FOCAD: variants seen among roughly 807,000 people sequenced by gnomAD.
FOCAD encodes the protein focadhesin.
In FOCAD, 198 loss-of-function variants were observed where a neutral mutation model predicts 225.6. That is an observed-to-expected ratio of 0.88 (90% confidence interval 0.78 to 0.99). FOCAD has a LOEUF of 0.99. Ranked by LOEUF, FOCAD falls within the 50% of genes least tolerant of loss-of-function variation. The pLI, the probability that FOCAD is intolerant of heterozygous loss-of-function variation, is 0.00. For synonymous variants in FOCAD, 897 were observed against 755.0 expected, an observed-to-expected ratio of 1.19 and a Z score of -3.08; for missense variants, 2,713 against 2,123.6, an observed-to-expected ratio of 1.28 and a Z score of -5.46.
At chr9:20,833,290 T>G (rs1234926507) in intron 15 of FOCAD, among the ~76,000 whole-genome samples, 1 of 152,012 alleles carries the variant, frequency 6.6e-6, no homozygotes, top group Non-Finnish European at 1.5e-5. Context: ...GAGTTACCAA[T>G]AGCAGTCCTG....
At position 20,872,525 on chromosome 9, in the gene FOCAD, C is replaced by T. The variant is rs1829874508; in HGVS notation, c.2191-2156C>T. On this transcript the variant is annotated intron_variant, in intron 18 of 43. Coordinates refer to ENST00000338382, the MANE Select transcript of FOCAD (RefSeq NM_001375567.1). Reference sequence around the variant, plus strand: ...TTACTCTTTTCATTCTACTCCCCTCCTCTTCCCCTCCCCCTCCTCCTCTTC... The same window carrying T: ...TTACTCTTTTCATTCTACTCCCCTCTTCTTCCCCTCCCCCTCCTCCTCTTC... 2.1e-5 allele frequency among the ~76,000 whole-genome samples: 3 copies of T among 142,020 alleles called. No individual in the cohort carries two copies. In the Admixed American group the frequency reaches 2.1e-4, roughly 10 times the overall value. 93.2% of individuals were successfully genotyped at this position (142,020 alleles called of 152,430 possible).
chr9:20,661,480 A>G (rs1373896434), intron 2 of FOCAD, among the ~76,000 whole-genome samples: 1 of 152,044 alleles, frequency 6.6e-6, no homozygotes, highest in Non-Finnish European at 1.5e-5. Context: ...AGGGAATTTA[A>G]ATGGTTGGGA....
rs993552643 is a variant in FOCAD, at chr9:20,995,744, G to T, written c.*115G>T. Reference sequence around the variant, plus strand: ...CTGAGACATGATGCAGAGAGTTAAGGGTCATGAAAAGATGGCCACATCACT... The same window carrying T: ...CTGAGACATGATGCAGAGAGTTAAGTGTCATGAAAAGATGGCCACATCACT... On this transcript the variant is annotated 3_prime_UTR_variant, in exon 44 of 44. Coordinates refer to ENST00000338382, the MANE Select transcript of FOCAD (RefSeq NM_001375567.1). The T allele has an allele frequency of 1.1e-6, 1 of 911,960 alleles. No homozygotes were observed. The highest frequency in any genetic ancestry group is 1.7e-5 in the African/African-American group (1 of 60,274). 56.5% of individuals were successfully genotyped at this position (911,960 alleles called of 1,614,324 possible). A position where few individuals can be genotyped will look rare whatever the true frequency, so the allele number is the denominator to read the frequency against.
At chr9:20,912,172 G>A (rs1243593407) in intron 22 of FOCAD, among the ~76,000 whole-genome samples, 2 of 151,148 alleles carry the variant, frequency 1.3e-5, no homozygotes, top group Non-Finnish European at 2.9e-5. Flanking sequence ...TCAACAAACA[G>A]TATTTTAATT....
chr9:20,820,585 G>A (rs985308133), intron 13 of FOCAD, among the ~76,000 whole-genome samples, 160 bp downstream of exon 13: 2 of 152,128 alleles, frequency 1.3e-5, no homozygotes, highest in African/African-American at 4.8e-5. Context: ...CATTTGTAAT[G>A]CAGTTAGTTA....
At chr9:20,821,110 A>G in intron 14 of FOCAD, 39 bp downstream of exon 14, 2 of 1,570,312 alleles carry the variant, frequency 1.3e-6, no homozygotes. Context: ...ATATCATGAT[A>G]TATTATTTTG....
chr9:20,777,303 GGT>G (rs1491518274), intron 8 of FOCAD, among the ~76,000 whole-genome samples: 25 of 118,826 alleles, frequency 2.1e-4, no homozygotes, highest in Non-Finnish European at 3.9e-4. Context: ...TTTTCCTGTG[GGT>G]TTTTTTTTTT....
rs539704483 is a variant in FOCAD, at chr9:20,677,782, C to G, written c.-77-16738C>G. Among the ~76,000 whole-genome samples the G allele has an allele frequency of 3.3e-5, 5 of 152,246 alleles. No homozygotes were observed. In the East Asian group the frequency reaches 9.6e-4, roughly 29 times the overall value. The stretch of plus-strand genomic sequence containing the variant: ...GATAGAAAACCGTGTGGAGGTTTCT[C>G]AAAATACTAAAAAATAGAACTATAT... On this transcript the variant is annotated intron_variant, in intron 2 of 45. Coordinates refer to the FOCAD transcript ENST00000380249.
chr9:20,992,157 A>G (rs1334566539), intron 42 of FOCAD, among the ~76,000 whole-genome samples: 1 of 152,226 alleles, frequency 6.6e-6, no homozygotes, highest in Non-Finnish European at 1.5e-5. Context: ...GCATTCAGTC[A>G]TTGATTAAAT....
intron 21 of FOCAD, 119 bp from the exon 22 acceptor site, chr9:20,907,031 T>C (rs550428268): frequency 3.3e-5 from 23 of 702,170 alleles, no homozygotes; most frequent in Non-Finnish European, 4.1e-5. Context: ...CTAGACTGAT[T>C]TGGTTTGTTT....
chr9:20,956,385 A>G (rs1838140458), intron 35 of FOCAD, among the ~76,000 whole-genome samples: 1 of 152,224 alleles, frequency 6.6e-6, no homozygotes, highest in Non-Finnish European at 1.5e-5. Context: ...AAGTCAGTAT[A>G]TCTGTATAAT....
chr9:20,824,561 T>C (rs1411566119), intron 15 of FOCAD, among the ~76,000 whole-genome samples: 1 of 152,062 alleles, frequency 6.6e-6, no homozygotes, highest in Non-Finnish European at 1.5e-5. Context: ...CTGACTTTCC[T>C]CATTCCATTT....
intron 4 of FOCAD, among the ~76,000 whole-genome samples, chr9:20,721,009 A>G (rs1039031624): frequency 2.0e-5 from 3 of 152,168 alleles, no homozygotes; most frequent in African/African-American, 7.2e-5. Context: ...TTCAAAGTTA[A>G]TAATGTTTTG....
At chr9:20,872,628 TTC>T (rs1233774262) in intron 18 of FOCAD, among the ~76,000 whole-genome samples, 1 of 151,906 alleles carries the variant, frequency 6.6e-6, no homozygotes, top group Non-Finnish European at 1.5e-5. Context: ...CTCTTTTCTT[TTC>T]TTTCTTGCTT....
At chr9:20,890,811 A>T (rs956871314) in intron 21 of FOCAD, among the ~76,000 whole-genome samples, 2 of 152,114 alleles carry the variant, frequency 1.3e-5, no homozygotes, top group Non-Finnish European at 2.9e-5. Context: ...AGTTTTCTTT[A>T]TAGGACTGTT....
In FOCAD at chr9:20,862,379, T is replaced by G. The variant is rs112491670; in HGVS notation, c.1921-199T>G. ...ACGAAGTAGTAAAAAAGCAATTGTG[T>G]GAGGCAGGCATAACTTCAACAGTTT... is the stretch of plus-strand genomic sequence containing the variant. On this transcript the variant is annotated intron_variant, in intron 15 of 43. Transcript: ENST00000338382. Among the ~76,000 whole-genome samples the G allele has an allele frequency of 6.5e-3, 990 of 152,244 alleles. 12 individuals are homozygous for G. Among genetic ancestry groups the G allele is most frequent in the African/African-American group, 0.023 (938 of 41,550 alleles).
intron 21 of FOCAD, among the ~76,000 whole-genome samples, chr9:20,894,518 A>G (rs370867392): frequency 6.6e-6 from 1 of 152,066 alleles, no homozygotes; most frequent in Non-Finnish European, 1.5e-5. Flanking sequence ...CTTGTCAGCA[A>G]TTGGTGTTGT....
intron 1 of FOCAD, among the ~76,000 whole-genome samples, chr9:20,685,168 A>T (rs1454035546): frequency 1.4e-5 from 2 of 144,530 alleles, no homozygotes; most frequent in Non-Finnish European, 1.5e-5. Flanking sequence ...TTTATATGTT[A>T]GTTTTATTGT....
chr9:20,864,053 C>T (rs1406491200), intron 16 of FOCAD, among the ~76,000 whole-genome samples: 2 of 152,060 alleles, frequency 1.3e-5, no homozygotes, highest in African/African-American at 4.8e-5. Flanking sequence ...TCTCTTCCTG[C>T]CCAGTTAGGG....
Sources: allele counts gnomAD v4.1 joint callset (sites outside exome capture counted in the v4.1 genomes callset), GRCh38; gene constraint gnomAD v4.1.1; transcripts MANE v1.5; gene names NCBI Gene and HGNC (gene_info 2026-07-23, HGNC 2026-07-21).